Variants in ERAP1 observed in about 807,000 individuals in gnomAD.
ERAP1 encodes the protein endoplasmic reticulum aminopeptidase 1.
Under a neutral mutation model 103.7 loss-of-function variants are expected in ERAP1, and 86 were observed. The ratio of observed to expected loss-of-function variants is 0.83; its 90% CI spans 0.70 to 0.99. The LOEUF (loss-of-function observed/expected upper bound fraction) is 0.99, where lower values mean the gene tolerates loss of function less well. Ranked by LOEUF, ERAP1 falls within the 50% of genes least tolerant of loss-of-function variation. ERAP1 has a pLI of 0.00. For synonymous variants in ERAP1, 398 were observed against 402.4 expected, an observed-to-expected ratio of 0.99 and a Z score of 0.13; for missense variants, 1,009 against 1,128.4, an observed-to-expected ratio of 0.89 and a Z score of 1.52.
the ERAP1 span, among the ~76,000 whole-genome samples, chr5:96,867,726 T>C: frequency 1.3e-5 from 2 of 152,078 alleles, no homozygotes; most frequent in East Asian, 3.9e-4. Context: ...CCAGCTCTCA[T>C]GGTGGGGAAA....
the ERAP1 span, among the ~76,000 whole-genome samples, chr5:96,875,070 C>T: frequency 2.2e-3 from 332 of 152,130 alleles, 10 homozygotes; most frequent in East Asian, 0.053. Context: ...GAGGCATGGT[C>T]GAGCAGTAGT....
chr5:96,931,822 T>C, the ERAP1 span, among the ~76,000 whole-genome samples: 1 of 152,200 alleles, frequency 6.6e-6, no homozygotes, highest in African/African-American at 2.4e-5. Flanking sequence ...ATTGCTCATA[T>C]AGAGGACTGA....
exon 20 of ERAP1, chr5:96,763,024 AC>A (rs1293161868): frequency 1.4e-6 from 1 of 702,684 alleles, no homozygotes; most frequent in African/African-American, 1.7e-5. Context: ...AGACCACAGC[AC>A]ATCAAATTAT....
chr5:96,829,565 C>T, the ERAP1 span, among the ~76,000 whole-genome samples: 3 of 152,166 alleles, frequency 2.0e-5, no homozygotes, highest in Admixed American at 6.5e-5. Context: ...CAGACATTGT[C>T]GTCCATAAGA....
chr5:96,911,051 GTAT>G, the ERAP1 span, among the ~76,000 whole-genome samples: 1 of 152,138 alleles, frequency 6.6e-6, no homozygotes, highest in African/African-American at 2.4e-5. Context: ...GTCACTTGGG[GTAT>G]TTAAGTACAT....
chr5:96,784,199 A>C, intron 13 of ERAP1, 119 bp from the exon 14 acceptor site: 1 of 1,131,166 alleles, frequency 8.8e-7, no homozygotes, highest in Non-Finnish European at 1.3e-6. Context: ...TGTCCCTTAT[A>C]AATAGATAAC....
chr5:96,772,241 T>C (rs1772676542), downstream of ERAP1: 1 of 153,706 alleles, frequency 6.5e-6, no homozygotes, highest in Non-Finnish European at 1.5e-5. Context: ...TTATAATTGC[T>C]GAAGAAACTG....
chr5:96,790,925 C>T (rs1459314132), intron 8 of ERAP1, among the ~76,000 whole-genome samples: 9 of 152,198 alleles, frequency 5.9e-5, no homozygotes, highest in African/African-American at 1.7e-4. Flanking sequence ...CTGCCAACTC[C>T]CTTTGTTCAC....
the ERAP1 span, among the ~76,000 whole-genome samples, chr5:96,855,263 A>C: frequency 6.6e-6 from 1 of 152,206 alleles, no homozygotes; most frequent in East Asian, 1.9e-4. Context: ...ATGACAACAA[A>C]TGTAACCCTT....
chr5:96,795,219 A>G (rs1777220053), intron 4 of ERAP1, 57 bp from the exon 5 acceptor site: 1 of 1,603,006 alleles, frequency 6.2e-7, no homozygotes, highest in East Asian at 2.2e-5. Flanking sequence ...CTCTCCCCAC[A>G]TTGTGTAGAA....
chr5:96,777,822 C>A (rs949176943), intron 18 of ERAP1, among the ~76,000 whole-genome samples: 1 of 152,220 alleles, frequency 6.6e-6, no homozygotes, highest in African/African-American at 2.4e-5. Context: ...TACTCTTACC[C>A]TTGTCCTGAC....
chr5:96,816,254 A>G, the ERAP1 span, among the ~76,000 whole-genome samples: 1 of 152,212 alleles, frequency 6.6e-6, no homozygotes, highest in African/African-American at 2.4e-5. Flanking sequence ...ATTCTTTCTT[A>G]ACGAATTATA....
the ERAP1 span, among the ~76,000 whole-genome samples, chr5:96,861,082 G>A: frequency 6.6e-6 from 1 of 151,986 alleles, no homozygotes; most frequent in Non-Finnish European, 1.5e-5. Context: ...AAGTTTGTAA[G>A]TCTGTTTCTA....
At chr5:96,853,666 G>A in the ERAP1 span, among the ~76,000 whole-genome samples, 1 of 151,832 alleles carries the variant, frequency 6.6e-6, no homozygotes, top group Admixed American at 6.6e-5. Flanking sequence ...AACTTAAAAA[G>A]GCAAAACTCA....
the ERAP1 span, chr5:96,935,407 ATC>A: frequency 1.3e-5 from 2 of 152,228 alleles, no homozygotes; most frequent in African/African-American, 4.8e-5. Flanking sequence ...GCGGGCGGGC[ATC>A]TCTGCCGAAA....
the ERAP1 span, among the ~76,000 whole-genome samples, chr5:96,815,498 G>T: frequency 1.4e-5 from 2 of 141,210 alleles, no homozygotes; most frequent in East Asian, 4.2e-4. Flanking sequence ...AGCAACCTCT[G>T]CCTCCCATGT....
the ERAP1 span, among the ~76,000 whole-genome samples, chr5:96,878,222 G>A: frequency 0.52 from 79,489 of 151,926 alleles, 20,968 homozygotes; most frequent in South Asian, 0.61. Context: ...GAAAAGAACC[G>A]AACCTTAAAA....
chr5:96,917,611 C>A, the ERAP1 span: 2 of 1,593,906 alleles, frequency 1.3e-6, no homozygotes, highest in South Asian at 2.2e-5. Context: ...CTTAAATGGT[C>A]AATAGAAAAA....
At chr5:96,813,804 C>T in the ERAP1 span, among the ~76,000 whole-genome samples, 1 of 151,924 alleles carries the variant, frequency 6.6e-6, no homozygotes, top group Non-Finnish European at 1.5e-5. Context: ...GATAGCCTTA[C>T]AGATCAAGCC....
Sources: allele counts gnomAD v4.1 joint callset (sites outside exome capture counted in the v4.1 genomes callset), GRCh38; gene constraint gnomAD v4.1.1; transcripts MANE v1.5; gene names NCBI Gene and HGNC (gene_info 2026-07-23, HGNC 2026-07-21).